Variants in ARFGAP3 observed in about 807,000 individuals in gnomAD.
The protein encoded by ARFGAP3 is ADP-ribosylation factor GTPase-activating protein 3.
ARFGAP3 carries 72 observed loss-of-function variants against 75.0 expected under a neutral mutation model. That is an observed-to-expected ratio of 0.96 (90% CI 0.79 to 1.17). The LOEUF (loss-of-function observed/expected upper bound fraction) is 1.17. ARFGAP3 is among the 50% of genes most tolerant of loss of function. ARFGAP3 has a pLI of 0.00. For synonymous variants in ARFGAP3, 221 were observed against 217.9 expected (o/e 1.01, Z -0.13); for missense variants, 620 against 626.6 (o/e 0.99, Z 0.11).
At chr22:42,855,411 C>T (rs973741670) in intron 1 of ARFGAP3, among the ~76,000 whole-genome samples, 1 of 152,126 alleles carries the variant, frequency 6.6e-6, no homozygotes, top group African/African-American at 2.4e-5. Flanking sequence ...CAAGGCTGGG[C>T]GCGGTGGCTC....
intron 9 of ARFGAP3, among the ~76,000 whole-genome samples, chr22:42,819,292 A>G (rs1201843450): frequency 6.6e-6 from 1 of 152,214 alleles, no homozygotes; most frequent in Non-Finnish European, 1.5e-5. Context: ...GAGGAAAACA[A>G]TAGCTCTGTT....
intron 9 of ARFGAP3, among the ~76,000 whole-genome samples, chr22:42,819,615 T>C (rs1429547064): frequency 6.6e-6 from 1 of 152,198 alleles, no homozygotes; most frequent in Non-Finnish European, 1.5e-5. Flanking sequence ...TGCCTCTTCC[T>C]TCCTTCCTAC....
intron 14 of ARFGAP3, among the ~76,000 whole-genome samples, chr22:42,800,284 C>T (rs564967894): frequency 2.0e-5 from 3 of 152,326 alleles, no homozygotes; most frequent in Admixed American, 6.5e-5. Context: ...AATCCCAGCA[C>T]TCTGGGAGGC....
At chr22:42,835,247 C>G (rs889624509) in intron 4 of ARFGAP3, 115 bp downstream of exon 4, 8 of 1,226,992 alleles carry the variant, frequency 6.5e-6, no homozygotes, top group Non-Finnish European at 9.1e-6. Context: ...CTACTGTACA[C>G]TAATTCCTTG....
chr22:42,824,519 G>C (rs1316666084), intron 7 of ARFGAP3, among the ~76,000 whole-genome samples: 2 of 147,198 alleles, frequency 1.4e-5, no homozygotes, highest in Admixed American at 6.7e-5. Flanking sequence ...ACCATGCCTG[G>C]TTTTCTTTCT....
chr22:42,798,897 T>C (rs1924725002), intron 15 of ARFGAP3, 142 bp downstream of exon 15: 1 of 656,644 alleles, frequency 1.5e-6, no homozygotes, highest in Non-Finnish European at 2.7e-6. Flanking sequence ...GTTTTCATAA[T>C]GTTCTGGGTT....
chr22:42,810,480 A>C (rs1925317105), intron 12 of ARFGAP3, among the ~76,000 whole-genome samples: 1 of 152,172 alleles, frequency 6.6e-6, no homozygotes, highest in African/African-American at 2.4e-5. Context: ...AAAACAAAAC[A>C]AAACAAAAAA....
chr22:42,852,352 G>A (rs1399552654), intron 1 of ARFGAP3, among the ~76,000 whole-genome samples: 2 of 149,828 alleles, frequency 1.3e-5, no homozygotes, highest in African/African-American at 4.9e-5. Flanking sequence ...ACCGCGCCTA[G>A]CCTCATCTTG....
intron 1 of ARFGAP3, among the ~76,000 whole-genome samples, chr22:42,849,784 C>T (rs1442405832): frequency 3.3e-5 from 5 of 151,758 alleles, no homozygotes; most frequent in Admixed American, 1.3e-4. Flanking sequence ...TGGTCTTGAA[C>T]GCCTGGGCTC....
chr22:42,832,719 C>T (rs369219105), intron 5 of ARFGAP3, among the ~76,000 whole-genome samples: 1 of 152,072 alleles, frequency 6.6e-6, no homozygotes, highest in African/African-American at 2.4e-5. Flanking sequence ...GGTGTGGTGG[C>T]TCATGCCTAT....
At chr22:42,836,258 G>A (rs888014632) in intron 3 of ARFGAP3, among the ~76,000 whole-genome samples, 2 of 152,068 alleles carry the variant, frequency 1.3e-5, no homozygotes, top group Admixed American at 6.6e-5. Flanking sequence ...TTACAGGCGT[G>A]AGCCACCGCT....
intron 2 of ARFGAP3, chr22:42,847,164 T>C: frequency 5.3e-6 from 1 of 187,732 alleles, no homozygotes. Context: ...CACATTTCTT[T>C]CTTTCTTTTT....
intron 6 of ARFGAP3, among the ~76,000 whole-genome samples, chr22:42,830,751 G>C (rs1447314952): frequency 1.3e-5 from 2 of 152,126 alleles, no homozygotes; most frequent in African/African-American, 2.4e-5. Flanking sequence ...ATTTTTATAA[G>C]TTTTTAAATT....
At chr22:42,806,246 G>A (rs935053046) in intron 14 of ARFGAP3, among the ~76,000 whole-genome samples, 4 of 151,806 alleles carry the variant, frequency 2.6e-5, no homozygotes, top group Admixed American at 6.5e-5. Flanking sequence ...CCCCTTTCAC[G>A]TTAACCACAG....
At chr22:42,824,347 T>C (rs145384781) in intron 7 of ARFGAP3, among the ~76,000 whole-genome samples, 1 of 151,856 alleles carries the variant, frequency 6.6e-6, no homozygotes, top group East Asian at 1.9e-4. Flanking sequence ...TCAAAAACTT[T>C]AAAACACTTA....
Position 42,837,869 on chromosome 22 carries a change from A to G in ARFGAP3, c.262-2376T>C, listed in dbSNP as rs185910079. The stretch of plus-strand genomic sequence containing the variant: ...CTAATTTAAAATTTTTTTTTTGTAG[A>G]CTTTGTTGTCCAGGCTGGTCTTGAA... On this transcript the variant is annotated intron_variant, in intron 3 of 15. Coordinates refer to ENST00000263245, the MANE Select transcript of ARFGAP3 (RefSeq NM_014570.5). Among the ~76,000 whole-genome samples, 775 of 150,740 alleles carry G rather than the reference A, an allele frequency of 5.1e-3. 2 individuals carry two copies. The highest frequency in any genetic ancestry group is 8.8e-3 in the Non-Finnish European group (595 of 67,686).
intron 1 of ARFGAP3, among the ~76,000 whole-genome samples, chr22:42,851,716 A>G (rs1927284303): frequency 6.6e-6 from 1 of 152,248 alleles, no homozygotes; most frequent in African/African-American, 2.4e-5. Flanking sequence ...ATGCAATCCC[A>G]AACCAAAGTC....
chr22:42,837,956 G>GC (rs1684422796), intron 3 of ARFGAP3, among the ~76,000 whole-genome samples: 1 of 151,122 alleles, frequency 6.6e-6, no homozygotes, highest in African/African-American at 2.4e-5. Flanking sequence ...ACAGGTAGGA[G>GC]CAACCATGCC....
At chr22:42,852,752 ATTTAAT>A (rs1188315428) in intron 1 of ARFGAP3, among the ~76,000 whole-genome samples, 1 of 151,742 alleles carries the variant, frequency 6.6e-6, no homozygotes, top group Admixed American at 6.6e-5. Flanking sequence ...CATTTTATTT[ATTTAAT>A]TTTATTTTAT....
Sources: allele counts gnomAD v4.1 joint callset (sites outside exome capture counted in the v4.1 genomes callset), GRCh38; gene constraint gnomAD v4.1.1; transcripts MANE v1.5; gene names NCBI Gene and HGNC (gene_info 2026-07-23, HGNC 2026-07-21).